The following PDE11A variants were observed in gnomAD, a reference collection of about 807,000 sequenced individuals.
PDE11A encodes dual 3',5'-cyclic-AMP and -GMP phosphodiesterase 11A.
Under a neutral mutation model 100.5 loss-of-function variants are expected in PDE11A, and 100 were observed. That is an observed-to-expected ratio of 1.00 (90% CI 0.85 to 1.18). The LOEUF (loss-of-function observed/expected upper bound fraction) is 1.18, where lower values mean the gene tolerates loss of function less well. Among genes scored for constraint, PDE11A ranks in the 50% most tolerant of loss-of-function variants. The probability of loss-of-function intolerance (pLI) is 0.00; values close to 1 mark genes in which losing one functional copy is unlikely to be tolerated. For missense variants in PDE11A, 1,141 were observed against 1,152.6 expected (o/e 0.99, Z 0.15); for synonymous variants, 381 against 420.8 (o/e 0.91, Z 1.16).
intron 1 of PDE11A, among the ~76,000 whole-genome samples, chr2:178,054,394 C>T (rs2086870984): frequency 6.6e-6 from 1 of 152,064 alleles, no homozygotes; most frequent in Non-Finnish European, 1.5e-5. Flanking sequence ...CCATAAAAAC[C>T]CTAGAAGAAA....
chr2:177,833,080 T>G (rs1328781933), intron 6 of PDE11A, among the ~76,000 whole-genome samples: 1 of 152,106 alleles, frequency 6.6e-6, no homozygotes. Flanking sequence ...CTAACGCCCC[T>G]CAGTCAAATT....
chr2:177,820,400 A>T, intron 6 of PDE11A, 105 bp from the exon 7 acceptor site: 1 of 743,332 alleles, frequency 1.3e-6, no homozygotes, highest in Non-Finnish European at 2.4e-6. Context: ...AACTTTTTAA[A>T]GCTATTTTAT....
intron 6 of PDE11A, among the ~76,000 whole-genome samples, chr2:177,837,812 G>A (rs896242275): frequency 5.3e-5 from 8 of 152,122 alleles, no homozygotes; most frequent in Admixed American, 1.3e-4. Context: ...GTTACTTTTG[G>A]TAAAGTTCAA....
At chr2:177,997,007 G>A (rs1452922831) in intron 2 of PDE11A, among the ~76,000 whole-genome samples, 1 of 152,164 alleles carries the variant, frequency 6.6e-6, no homozygotes, top group Non-Finnish European at 1.5e-5. Flanking sequence ...ACATATCACT[G>A]TGATTTTACC....
In PDE11A at chr2:177,852,940, CA is replaced by C. The variant is rs1477764464; in HGVS notation, c.1368-12558del. 2.6e-5 allele frequency among the ~76,000 whole-genome samples: 4 copies of C among 152,226 alleles called. No homozygotes were observed. In the East Asian group the frequency reaches 7.7e-4, roughly 29 times the overall value. Reference sequence around the variant, plus strand: ...TTAACAGAAATTAACACATGGTGACCAAAGAACACATTTTCTATCTTTTATT... The same window carrying C: ...TTAACAGAAATTAACACATGGTGACCAAGAACACATTTTCTATCTTTTATT... On this transcript the variant is annotated intron_variant, in intron 5 of 19. Transcript: ENST00000286063.
intron 1 of PDE11A, among the ~76,000 whole-genome samples, chr2:178,040,204 A>G (rs2086667112): frequency 6.6e-6 from 1 of 151,692 alleles, no homozygotes; most frequent in South Asian, 2.1e-4. Context: ...AGCTGGGGTT[A>G]CAGGAGTGCA....
chr2:178,085,805 A>G (rs113219696), intron 2 of PDE11A, among the ~76,000 whole-genome samples: 1 of 152,340 alleles, frequency 6.6e-6, no homozygotes, highest in African/African-American at 2.4e-5. Flanking sequence ...ACAAAGGCCA[A>G]TTAAAACTCA....
rs185043599 is a variant in PDE11A at position 178,107,202 on chromosome 2, T to C, written c.-14+1052A>G. ...TCTAATCATAGACGAATACTGCCAG[T>C]GCAAATACCTATGACCCTCTTCCAA... On this transcript the variant is annotated intron_variant, in intron 1 of 20. Transcript: ENST00000358450. Among the ~76,000 whole-genome samples the C allele has an allele frequency of 4.4e-4, 67 of 152,114 alleles. 1 individual carries two copies. The East Asian group carries it at 7.6e-3, about 17-fold the overall frequency.
At chr2:178,064,604 T>C (rs962927143) in intron 1 of PDE11A, among the ~76,000 whole-genome samples, 1 of 151,924 alleles carries the variant, frequency 6.6e-6, no homozygotes, top group African/African-American at 2.4e-5. Context: ...ATAAATGAAG[T>C]TACTATTCAT....
At chr2:177,781,389 T>A (rs2082451516) in intron 9 of PDE11A, among the ~76,000 whole-genome samples, 1 of 152,224 alleles carries the variant, frequency 6.6e-6, no homozygotes, top group African/African-American at 2.4e-5. Flanking sequence ...ATTACCAAAA[T>A]GTGACACAAA....
chr2:177,884,056 C>A (rs1439010915), intron 4 of PDE11A, among the ~76,000 whole-genome samples: 1 of 152,168 alleles, frequency 6.6e-6, no homozygotes, highest in African/African-American at 2.4e-5. Flanking sequence ...GTGTGGTAAG[C>A]AAAGATCAGC....
At chr2:177,773,338 C>T (rs905576863) in intron 9 of PDE11A, among the ~76,000 whole-genome samples, 7 of 152,128 alleles carry the variant, frequency 4.6e-5, no homozygotes, top group Admixed American at 2.6e-4. Context: ...TTTACTGCCC[C>T]CGAGTTGTGA....
chr2:177,803,065 GC>G (rs1660460463), intron 9 of PDE11A, among the ~76,000 whole-genome samples: 1 of 151,672 alleles, frequency 6.6e-6, no homozygotes, highest in Non-Finnish European at 1.5e-5. Flanking sequence ...ATTAAAGAAT[GC>G]TTTTGTAAAA....
At chr2:177,736,755 T>C (rs1290463309) in intron 10 of PDE11A, among the ~76,000 whole-genome samples, 1 of 152,180 alleles carries the variant, frequency 6.6e-6, no homozygotes, top group Non-Finnish European at 1.5e-5. Flanking sequence ...GACTGTCCCA[T>C]GTTTAAGTTG....
intron 9 of PDE11A, among the ~76,000 whole-genome samples, chr2:177,815,781 G>T (rs1378371022): frequency 6.6e-6 from 1 of 152,100 alleles, no homozygotes; most frequent in Non-Finnish European, 1.5e-5. Context: ...TCTTATATCT[G>T]GCTTGACACA....
intron 1 of PDE11A, among the ~76,000 whole-genome samples, chr2:178,051,016 G>A (rs1469684506): frequency 6.6e-6 from 1 of 152,116 alleles, no homozygotes; most frequent in Non-Finnish European, 1.5e-5. Context: ...ACGCCACAAA[G>A]ATACTCCTTG....
intron 5 of PDE11A, among the ~76,000 whole-genome samples, chr2:177,873,339 T>A (rs2084174048): frequency 6.6e-6 from 1 of 152,234 alleles, no homozygotes; most frequent in Non-Finnish European, 1.5e-5. Flanking sequence ...GATTTTTCTA[T>A]CGTATTTCAT....
At position 177,923,298 on chromosome 2, in the gene PDE11A, T is replaced by G. The variant is rs902719322; in HGVS notation, c.1072-18111A>C. Among the ~76,000 whole-genome samples, 5 of 151,892 alleles carry G rather than the reference T, an allele frequency of 3.3e-5. No individual in the cohort carries two copies. In the East Asian group the frequency reaches 9.6e-4, roughly 29 times the overall value. ...ATCACTTGAGCCTAGGAGTTTCAGG[T>G]TGCAATGGGCTATGATTGTGCCACT... On this transcript the variant is annotated intron_variant, in intron 2 of 19. Transcript: ENST00000286063.
chr2:177,993,863 C>T (rs1452212504), intron 2 of PDE11A, among the ~76,000 whole-genome samples: 2 of 151,580 alleles, frequency 1.3e-5, no homozygotes, highest in African/African-American at 4.8e-5. Context: ...TTACCTACCT[C>T]ATAAGAATAT....
Sources: gnomAD v4.1 joint callset for allele counts (sites outside exome capture counted in the v4.1 genomes callset) on GRCh38, gnomAD v4.1.1 for gene constraint, MANE v1.5 for transcripts, NCBI Gene and HGNC (gene_info 2026-07-23, HGNC 2026-07-21) for gene names.